The following IKZF1 variants were observed in gnomAD, a reference collection of about 807,000 sequenced individuals.
The protein encoded by IKZF1 is IKAROS family zinc finger 1, also known as DNA-binding protein Ikaros.
IKZF1 carries 10 observed loss-of-function variants against 51.7 expected under a neutral mutation model. That is an observed-to-expected ratio of 0.19 (90% confidence interval 0.12 to 0.33). The LOEUF is 0.33. Ranked by LOEUF, IKZF1 falls within the 10% of genes least tolerant of loss-of-function variation. IKZF1 has a pLI of 1.00. For synonymous variants in IKZF1, 280 were observed against 282.3 expected, an observed-to-expected ratio of 0.99 and a Z score of 0.08; for missense variants, 484 against 707.5, an observed-to-expected ratio of 0.68 and a Z score of 3.58.
At chr7:50,334,072 A>G (rs1299889758) in intron 3 of IKZF1, among the ~76,000 whole-genome samples, 1 of 152,252 alleles carries the variant, frequency 6.6e-6, no homozygotes, top group African/African-American at 2.4e-5. Flanking sequence ...ATTTTAATTT[A>G]CAGTCTTCCA....
At chr7:50,349,551 C>T (rs531211977) in intron 3 of IKZF1, among the ~76,000 whole-genome samples, 85 of 152,204 alleles carry the variant, frequency 5.6e-4, no homozygotes, top group South Asian at 2.5e-3. Context: ...GAAGCCTCAC[C>T]GCCGGCTTTG....
chr7:50,366,311 A>C (rs751065575), intron 3 of IKZF1, among the ~76,000 whole-genome samples: 1 of 152,236 alleles, frequency 6.6e-6, no homozygotes, highest in Non-Finnish European at 1.5e-5. Flanking sequence ...TTCATATTCA[A>C]TGGCAATGTG....
intron 3 of IKZF1, among the ~76,000 whole-genome samples, chr7:50,349,055 G>A (rs1252933832): frequency 2.6e-5 from 4 of 152,152 alleles, no homozygotes; most frequent in Admixed American, 2.0e-4. Context: ...GGAGGTTAAT[G>A]AACTGATCTT....
chr7:50,392,399 AAG>A (rs1394970475), intron 7 of IKZF1, among the ~76,000 whole-genome samples: 38 of 149,760 alleles, frequency 2.5e-4, no homozygotes, highest in Middle Eastern at 3.4e-3. Flanking sequence ...AAAAAAAAAG[AAG>A]AAGAAGAACA....
At chr7:50,380,610 T>C (rs925494313) in intron 4 of IKZF1, among the ~76,000 whole-genome samples, 1 of 152,246 alleles carries the variant, frequency 6.6e-6, no homozygotes, top group Non-Finnish European at 1.5e-5. Flanking sequence ...GTGAGCATTT[T>C]TGTGACATGA....
At chr7:50,334,513 G>T (rs1315375077) in intron 3 of IKZF1, among the ~76,000 whole-genome samples, 3 of 151,358 alleles carry the variant, frequency 2.0e-5, no homozygotes, top group Non-Finnish European at 3.0e-5. Context: ...GTATGTGTGT[G>T]GTGTGTGTGT....
At chr7:50,327,909 G>C in intron 3 of IKZF1, 152 bp downstream of exon 3, 1 of 900,152 alleles carries the variant, frequency 1.1e-6, no homozygotes, top group Non-Finnish European at 1.6e-6. Context: ...AGCAGGATGG[G>C]GGTCCTCTGG....
chr7:50,379,833 T>C (rs1166383143), intron 4 of IKZF1, among the ~76,000 whole-genome samples: 1 of 152,204 alleles, frequency 6.6e-6, no homozygotes, highest in Admixed American at 6.5e-5. Context: ...TGACATAGTA[T>C]CCATGAAGAC....
chr7:50,372,703 C>A (rs996496895), intron 3 of IKZF1, among the ~76,000 whole-genome samples: 2 of 152,222 alleles, frequency 1.3e-5, no homozygotes, highest in Admixed American at 6.5e-5. Flanking sequence ...TCCTACAGAA[C>A]TGTGTGACTA....
At chr7:50,348,038 C>T (rs2153426297) in intron 3 of IKZF1, among the ~76,000 whole-genome samples, 1 of 152,260 alleles carries the variant, frequency 6.6e-6, no homozygotes, top group East Asian at 1.9e-4. Flanking sequence ...GACCAAGGGA[C>T]ATTTTAGTGT....
At chr7:50,311,339 A>G (rs1790121125) in intron 1 of IKZF1, among the ~76,000 whole-genome samples, 1 of 152,252 alleles carries the variant, frequency 6.6e-6, no homozygotes, top group Non-Finnish European at 1.5e-5. Flanking sequence ...TCTAGAACAC[A>G]TGTTCTTTCT....
intron 3 of IKZF1, among the ~76,000 whole-genome samples, chr7:50,337,037 A>G (rs1797954550): frequency 6.6e-6 from 1 of 152,160 alleles, no homozygotes; most frequent in Non-Finnish European, 1.5e-5. Flanking sequence ...TGCCCTAGAA[A>G]GAGGTGTCTG....
chr7:50,309,075 G>A (rs1210806059), intron 1 of IKZF1, among the ~76,000 whole-genome samples: 4 of 152,224 alleles, frequency 2.6e-5, no homozygotes, highest in Admixed American at 6.5e-5. Flanking sequence ...ATTATGCTCC[G>A]TCTGAACGCT....
At chr7:50,356,613 A>T (rs1382242067) in intron 3 of IKZF1, among the ~76,000 whole-genome samples, 1 of 152,174 alleles carries the variant, frequency 6.6e-6, no homozygotes, top group Admixed American at 6.5e-5. Context: ...GCACTCTGCT[A>T]AGCTACTCAA....
intron 4 of IKZF1, among the ~76,000 whole-genome samples, chr7:50,381,687 C>A (rs1445635202): frequency 6.6e-6 from 1 of 152,196 alleles, no homozygotes; most frequent in African/African-American, 2.4e-5. Context: ...TCTTAGAATA[C>A]CTGTACTTAA....
chr7:50,376,396 T>C lies in IKZF1; in HGVS notation c.161-137T>C, dbSNP rs1810297739. The C allele has an allele frequency of 1.4e-6, 2 of 1,416,316 alleles. No individual in the cohort carries two copies. The highest frequency in any genetic ancestry group is 9.5e-7 in the Non-Finnish European group (1 of 1,053,804). The allele number at this position is 1,416,316 out of a possible 1,614,324, so 87.7% of individuals were successfully genotyped here. A position where few individuals can be genotyped will look rare whatever the true frequency, so the allele number is the denominator to read the frequency against. Reference sequence around the variant, plus strand: ...TGAATGCACGGCGAGCTCAGGCTGCTCTCCCCTTGGTATTTGCTAAGAACT... The same window carrying C: ...TGAATGCACGGCGAGCTCAGGCTGCCCTCCCCTTGGTATTTGCTAAGAACT... On this transcript the variant is annotated intron_variant, in intron 3 of 7. Coordinates refer to ENST00000331340, the MANE Select transcript of IKZF1 (RefSeq NM_006060.6). This position sits in a 1 kb window ranked among gnomAD's most constrained non-coding sequence, Gnocchi z 4.5.
chr7:50,350,031 G>A (rs888285031), intron 3 of IKZF1, among the ~76,000 whole-genome samples: 1 of 152,220 alleles, frequency 6.6e-6, no homozygotes, highest in African/African-American at 2.4e-5. Flanking sequence ...CCCCACATCA[G>A]TAGAGATGTC....
At chr7:50,327,519 A>G in intron 2 of IKZF1, 119 bp from the exon 3 acceptor site, 1 of 1,207,430 alleles carries the variant, frequency 8.3e-7, no homozygotes, top group Non-Finnish European at 1.1e-6. Context: ...CCCAGCAGAG[A>G]AGCACTGGCT....
chr7:50,370,906 A>G (rs950891561), intron 3 of IKZF1, among the ~76,000 whole-genome samples: 1 of 152,180 alleles, frequency 6.6e-6, no homozygotes, highest in African/African-American at 2.4e-5. Flanking sequence ...ATTTCACTGA[A>G]GCAATACCAC....
Sources: allele counts gnomAD v4.1 joint callset (sites outside exome capture counted in the v4.1 genomes callset), GRCh38; gene constraint gnomAD v4.1.1; non-coding constraint Gnocchi (gnomAD v3.1); transcripts MANE v1.5; gene names NCBI Gene and HGNC (gene_info 2026-07-23, HGNC 2026-07-21).